Variants in NEK11 observed in about 807,000 individuals in gnomAD.
NEK11 encodes serine/threonine-protein kinase Nek11.
A neutral mutation model predicts 80.7 loss-of-function variants in NEK11; 72 were observed. That is an observed-to-expected ratio of 0.89 (90% CI 0.74 to 1.08). The LOEUF (loss-of-function observed/expected upper bound fraction) is 1.08, where lower values mean the gene tolerates loss of function less well. NEK11 is among the 50% of genes least tolerant of loss of function. The pLI is 0.00. For synonymous variants in NEK11, 251 were observed against 260.7 expected (o/e 0.96, Z 0.36); for missense variants, 764 against 763.6 (o/e 1.00, Z -0.01).
intron 17 of NEK11, among the ~76,000 whole-genome samples, chr3:131,279,935 A>T (rs976952366): frequency 6.6e-6 from 1 of 152,190 alleles, no homozygotes; most frequent in Non-Finnish European, 1.5e-5. Context: ...GAAAATTTTG[A>T]GGCTGAACTG....
chr3:131,143,935 A>T (rs1486703672), intron 7 of NEK11, among the ~76,000 whole-genome samples: 2 of 152,124 alleles, frequency 1.3e-5, no homozygotes, highest in East Asian at 3.8e-4. Context: ...TTTCTAGATG[A>T]ATATATCAGG....
chr3:131,040,051 T>C (rs555586307), intron 3 of NEK11, among the ~76,000 whole-genome samples: 7 of 152,360 alleles, frequency 4.6e-5, no homozygotes. Flanking sequence ...CTTCCACTAA[T>C]TGTGCATTGT....
At chr3:131,169,870 TC>T (rs1280831616) in intron 13 of NEK11, among the ~76,000 whole-genome samples, 1 of 152,250 alleles carries the variant, frequency 6.6e-6, no homozygotes, top group Non-Finnish European at 1.5e-5. Flanking sequence ...TTTCATGTAC[TC>T]TCTGTTCTTT....
At chr3:131,207,298 T>A (rs1473490125) in intron 14 of NEK11, among the ~76,000 whole-genome samples, 1 of 152,196 alleles carries the variant, frequency 6.6e-6, no homozygotes, top group African/African-American at 2.4e-5. Flanking sequence ...GTAAAAGTGT[T>A]CCTGGCTGGG....
chr3:131,090,795 T>G (rs1236465276), intron 4 of NEK11, among the ~76,000 whole-genome samples: 2 of 152,206 alleles, frequency 1.3e-5, no homozygotes, highest in African/African-American at 4.8e-5. Flanking sequence ...GATTGGGGTT[T>G]CATTCTGTCA....
At chr3:131,245,329 A>G (rs1580798309) in intron 16 of NEK11, among the ~76,000 whole-genome samples, 1 of 121,892 alleles carries the variant, frequency 8.2e-6, no homozygotes, top group East Asian at 2.3e-4. Context: ...GTGTGTGTGT[A>G]CTGTTATCCA....
At chr3:131,121,952 G>A (rs192356585) in intron 5 of NEK11, among the ~76,000 whole-genome samples, 4 of 152,288 alleles carry the variant, frequency 2.6e-5, no homozygotes, top group Admixed American at 6.5e-5. Flanking sequence ...GTGATGCCCC[G>A]CCCTGCTTCA....
intron 3 of NEK11, among the ~76,000 whole-genome samples, chr3:131,064,844 G>T (rs1379123003): frequency 2.6e-5 from 4 of 151,946 alleles, no homozygotes; most frequent in African/African-American, 9.7e-5. Flanking sequence ...TCAACCCCTT[G>T]CAGGGCATGC....
At chr3:131,291,340 T>TG (rs2096541398) in intron 17 of NEK11, among the ~76,000 whole-genome samples, 2 of 152,218 alleles carry the variant, frequency 1.3e-5, no homozygotes, top group Non-Finnish European at 2.9e-5. Flanking sequence ...CTGAAGGACA[T>TG]CTTGGTTGCT....
At chr3:131,225,079 C>T (rs1391690115) in intron 14 of NEK11, among the ~76,000 whole-genome samples, 1 of 152,152 alleles carries the variant, frequency 6.6e-6, no homozygotes, top group Non-Finnish European at 1.5e-5. Flanking sequence ...ATTCACTCAC[C>T]ACTCACTCAC....
chr3:131,199,451 A>C (rs909616972), intron 14 of NEK11, among the ~76,000 whole-genome samples: 5 of 152,306 alleles, frequency 3.3e-5, no homozygotes, highest in East Asian at 3.9e-4. Flanking sequence ...GGGGGAAAAC[A>C]GGACTTTTAT....
intron 5 of NEK11, among the ~76,000 whole-genome samples, chr3:131,112,212 A>T (rs1272205094): frequency 6.6e-6 from 1 of 152,148 alleles, no homozygotes; most frequent in Non-Finnish European, 1.5e-5. Flanking sequence ...GTATGGCCCT[A>T]TAATGGACTT....
intron 4 of NEK11, among the ~76,000 whole-genome samples, chr3:131,098,111 G>A (rs1346036872): frequency 1.3e-5 from 2 of 151,496 alleles, no homozygotes; most frequent in Non-Finnish European, 3.0e-5. Context: ...TATGTAGAAA[G>A]CTGAAACTGG....
At chr3:131,258,786 T>C (rs1414665282) in intron 16 of NEK11, among the ~76,000 whole-genome samples, 1 of 152,210 alleles carries the variant, frequency 6.6e-6, no homozygotes, top group East Asian at 1.9e-4. Context: ...TTATTTTCTA[T>C]CTTCTGGTAT....
intron 17 of NEK11, among the ~76,000 whole-genome samples, chr3:131,288,362 G>A (rs1361615159): frequency 6.6e-6 from 1 of 151,802 alleles, no homozygotes; most frequent in Non-Finnish European, 1.5e-5. Context: ...TGAGCATACT[G>A]ATCATCTTTT....
intron 14 of NEK11, among the ~76,000 whole-genome samples, chr3:131,200,592 T>C (rs2094190803): frequency 6.6e-6 from 1 of 152,230 alleles, no homozygotes; most frequent in Admixed American, 6.5e-5. Flanking sequence ...AGCTTGAAAC[T>C]TGTCTTTGTT....
At chr3:131,166,841 C>T (rs146964954) in intron 12 of NEK11, among the ~76,000 whole-genome samples, 3 of 152,120 alleles carry the variant, frequency 2.0e-5, no homozygotes, top group Admixed American at 6.5e-5. Context: ...AGGACTCAAG[C>T]CCCCTCTGAA....
At chr3:131,320,718 T>A (rs1309625313) in intron 17 of NEK11, among the ~76,000 whole-genome samples, 1 of 152,038 alleles carries the variant, frequency 6.6e-6, no homozygotes, top group Non-Finnish European at 1.5e-5. Flanking sequence ...GAATTCTATG[T>A]CAATGCTAGT....
intron 3 of NEK11, among the ~76,000 whole-genome samples, chr3:131,075,706 C>G (rs1034257762): frequency 6.6e-6 from 1 of 152,102 alleles, no homozygotes; most frequent in Admixed American, 6.5e-5. Flanking sequence ...TGAGCCAGAC[C>G]TTTGGAGGTT....
Sources: allele counts gnomAD v4.1 joint callset (sites outside exome capture counted in the v4.1 genomes callset), GRCh38; gene constraint gnomAD v4.1.1; transcripts MANE v1.5; gene names NCBI Gene and HGNC (gene_info 2026-07-23, HGNC 2026-07-21).